The following CCDC146 variants were observed in gnomAD, a reference collection of about 807,000 sequenced individuals.
CCDC146 encodes the protein coiled-coil domain containing 146.
In CCDC146, 92 loss-of-function variants were observed where a neutral mutation model predicts 119.3. The ratio of observed to expected loss-of-function variants is 0.77; its 90% CI spans 0.65 to 0.92. The LOEUF (loss-of-function observed/expected upper bound fraction) is 0.92, where lower values mean the gene tolerates loss of function less well. CCDC146 is among the 40% of genes least tolerant of loss of function. The pLI is 0.00. For synonymous variants in CCDC146, 372 were observed against 371.8 expected (o/e 1.00, Z -0.01); for missense variants, 1,000 against 1,103.0 (o/e 0.91, Z 1.32).
chr7:77,271,575 T>A (rs552211840), intron 9 of CCDC146, among the ~76,000 whole-genome samples: 1 of 109,242 alleles, frequency 9.2e-6, no homozygotes, highest in Non-Finnish European at 1.8e-5. Context: ...TATATGGAGA[T>A]ACAAAGAACC....
At chr7:77,236,044 C>A (rs1371029591) in intron 2 of CCDC146, among the ~76,000 whole-genome samples, 1 of 130,654 alleles carries the variant, frequency 7.7e-6, no homozygotes, top group Non-Finnish European at 1.8e-5. Flanking sequence ...GCATTCCAGC[C>A]TGGACGACAG....
intron 9 of CCDC146, among the ~76,000 whole-genome samples, chr7:77,262,728 C>T (rs1793324366): frequency 6.6e-6 from 1 of 152,224 alleles, no homozygotes; most frequent in African/African-American, 2.4e-5. Flanking sequence ...CAGCAGCCTG[C>T]ACTTCCGACT....
intron 2 of CCDC146, among the ~76,000 whole-genome samples, chr7:77,188,299 G>A (rs530257009): frequency 5.9e-5 from 9 of 151,924 alleles, no homozygotes; most frequent in East Asian, 1.9e-4. Context: ...CTCATGTAGC[G>A]CATAAATATG....
At chr7:77,161,482 T>C (rs1791260309) in intron 1 of CCDC146, among the ~76,000 whole-genome samples, 1 of 151,930 alleles carries the variant, frequency 6.6e-6, no homozygotes. Flanking sequence ...TTCATGTCCT[T>C]TGTGGGGACA....
chr7:77,129,748 A>G (rs573649852), intron 1 of CCDC146, among the ~76,000 whole-genome samples: 30 of 152,210 alleles, frequency 2.0e-4, no homozygotes, highest in Admixed American at 7.8e-4. Flanking sequence ...AGGAATTTCA[A>G]TTTGGTTTCC....
chr7:77,234,660 G>A (rs1057067086), intron 2 of CCDC146, among the ~76,000 whole-genome samples: 1 of 152,074 alleles, frequency 6.6e-6, no homozygotes, highest in Non-Finnish European at 1.5e-5. Context: ...GCTAGAACCC[G>A]GGAGGTAGAG....
At chr7:77,239,179 A>G (rs750003228) in intron 3 of CCDC146, among the ~76,000 whole-genome samples, 8 of 152,050 alleles carry the variant, frequency 5.3e-5, no homozygotes, top group Non-Finnish European at 1.0e-4. Context: ...TCTGGCTGGA[A>G]CCCTACCACC....
chr7:77,142,988 A>G (rs1248987930), intron 1 of CCDC146, among the ~76,000 whole-genome samples: 2 of 151,880 alleles, frequency 1.3e-5, no homozygotes, highest in Non-Finnish European at 2.9e-5. Context: ...AAGAATCACC[A>G]CACTGTTTTC....
At chr7:77,206,774 C>T (rs1792090297) in intron 2 of CCDC146, among the ~76,000 whole-genome samples, 1 of 150,526 alleles carries the variant, frequency 6.6e-6, no homozygotes, top group Non-Finnish European at 1.5e-5. Flanking sequence ...CCATATAGAA[C>T]ATTGTGAAAT....
At chr7:77,257,400 C>T (rs747736471) in intron 6 of CCDC146, 1 of 152,066 alleles carries the variant, frequency 6.6e-6, no homozygotes, top group African/African-American at 2.4e-5. Context: ...AATGGTGATA[C>T]ACTTTGACCT....
At chr7:77,257,209 TG>T (rs1457597349) in intron 6 of CCDC146, 1 of 152,142 alleles carries the variant, frequency 6.6e-6, no homozygotes, top group Non-Finnish European at 1.5e-5. Flanking sequence ...ACCTTATCCT[TG>T]TCGGAGTGCA....
intron 17 of CCDC146, among the ~76,000 whole-genome samples, chr7:77,292,544 G>A (rs555104274): frequency 2.7e-3 from 409 of 150,324 alleles, no homozygotes; most frequent in African/African-American, 9.5e-3. Flanking sequence ...GTGAACCTGG[G>A]AGGCGGAGCT....
intron 2 of CCDC146, 147 bp from the exon 3 acceptor site, chr7:77,236,800 C>G: frequency 1.6e-6 from 1 of 612,082 alleles, no homozygotes; most frequent in South Asian, 2.0e-5. Flanking sequence ...CTCCAAACAC[C>G]TGGCATGTTT....
intron 2 of CCDC146, among the ~76,000 whole-genome samples, chr7:77,219,165 G>A (rs1792353870): frequency 6.6e-6 from 1 of 152,096 alleles, no homozygotes; most frequent in African/African-American, 2.4e-5. Flanking sequence ...GGCAATTTAT[G>A]TTTGCCAGAA....
intron 2 of CCDC146, among the ~76,000 whole-genome samples, chr7:77,169,287 G>T (rs1446989330): frequency 4.6e-5 from 7 of 152,116 alleles, no homozygotes; most frequent in African/African-American, 1.4e-4. Flanking sequence ...ACATGATGTT[G>T]CCTTGTCCCA....
chr7:77,248,558 T>A (rs1056785036), intron 4 of CCDC146, among the ~76,000 whole-genome samples: 11 of 152,354 alleles, frequency 7.2e-5, no homozygotes, highest in African/African-American at 2.6e-4. Context: ...ATTTTCCAAG[T>A]GTGATCAATA....
At position 77,241,743 on chromosome 7, in the gene CCDC146, C is replaced by T; in HGVS notation, c.292C>T (p.Gln98Ter). The T allele has an allele frequency of 6.2e-7, 1 of 1,614,022 alleles. No homozygotes were observed. Residue 98 changes from glutamine to a stop codon, truncating the protein, a stop_gained, in exon 4 of 19, where the codon CAA (glutamine) becomes TAA (stop). Coordinates refer to ENST00000285871, the MANE Select transcript of CCDC146 (RefSeq NM_020879.3). LOFTEE classifies it high-confidence loss of function. ...LLQNAKRFTE[Q>*]IQQQQFHLQQ... ...ACAGAATGCCAAACGTTTCACTGAGCAAATACAACAGCAGCAGTTTCACCT... is the reference window on the plus strand; with the variant it reads ...ACAGAATGCCAAACGTTTCACTGAGTAAATACAACAGCAGCAGTTTCACCT...
chr7:77,187,358 T>G (rs1791684017), intron 2 of CCDC146, among the ~76,000 whole-genome samples: 1 of 152,234 alleles, frequency 6.6e-6, no homozygotes, highest in Non-Finnish European at 1.5e-5. Context: ...TTAGTTTGAT[T>G]ATGTCACATT....
In CCDC146 at chr7:77,173,268, T is replaced by C. The variant is rs550241919; in HGVS notation, c.156+5444T>C. Among the ~76,000 whole-genome samples, 4 of 152,176 alleles carry C rather than the reference T, an allele frequency of 2.6e-5. No homozygotes were observed. The South Asian group carries it at 8.3e-4, about 32-fold the overall frequency. Reference sequence around the variant, plus strand: ...GACATTATGATCACATTAAGACCTATGATCGCAATAAGACCTAACAGGGCA... The same window carrying C: ...GACATTATGATCACATTAAGACCTACGATCGCAATAAGACCTAACAGGGCA... On this transcript the variant is annotated intron_variant, in intron 2 of 18. Transcript: ENST00000285871.
Sources: gnomAD v4.1 joint callset for allele counts (sites outside exome capture counted in the v4.1 genomes callset) on GRCh38, gnomAD v4.1.1 for gene constraint, MANE v1.5 for transcripts, NCBI Gene and HGNC (gene_info 2026-07-23, HGNC 2026-07-21) for gene names.